CYP4B1: variants seen among roughly 807,000 people sequenced by gnomAD.
The protein encoded by CYP4B1 is cytochrome P450 4B1.
In CYP4B1, 45 loss-of-function variants were observed where a neutral mutation model predicts 54.0. The observed-to-expected ratio is 0.83, with a 90% CI of 0.66 to 1.07. The LOEUF is 1.07. Among genes scored for constraint, CYP4B1 ranks in the 50% least tolerant of loss-of-function variants. The pLI is 0.00. For synonymous variants in CYP4B1, 248 were observed against 247.5 expected (o/e 1.00, Z -0.02); for missense variants, 656 against 655.4 (o/e 1.00, Z -0.01).
In CYP4B1 at chr1:46,801,923, G is replaced by C. The variant is rs146569906; in HGVS notation, c.180+2662G>C. 2.3e-4 allele frequency among the ~76,000 whole-genome samples: 35 copies of C among 152,312 alleles called. No homozygotes were observed. In the East Asian group the frequency reaches 5.6e-3, roughly 24 times the overall value. On this transcript the variant is annotated intron_variant, in intron 1 of 11. Coordinates refer to ENST00000371923, the MANE Select transcript of CYP4B1 (RefSeq NM_001099772.2). ...GGGGAGGAAGACTGATGGGTAAAGG[G>C]ACTGGGGGCAGGGAAGAGCTGTCCG...
intron 9 of CYP4B1, 175 bp downstream of exon 9, chr1:46,817,356 C>T (rs1369599521): frequency 1.5e-6 from 1 of 669,044 alleles, no homozygotes; most frequent in African/African-American, 1.8e-5. Flanking sequence ...TACCTCTGAG[C>T]CTCCATTTCC....
At chr1:46,813,747 C>T in intron 5 of CYP4B1, 141 bp downstream of exon 5, 2 of 1,429,006 alleles carry the variant, frequency 1.4e-6, no homozygotes, top group South Asian at 2.6e-5. Flanking sequence ...ACAGGACCTG[C>T]TCATGGTGGG....
chr1:46,802,611 A>C (rs888139838), intron 1 of CYP4B1, among the ~76,000 whole-genome samples: 3 of 152,226 alleles, frequency 2.0e-5, no homozygotes, highest in African/African-American at 7.2e-5. Flanking sequence ...AAATCAACCC[A>C]GTCTTTGTGA....
At chr1:46,808,616 T>A (rs71638017) in intron 1 of CYP4B1, among the ~76,000 whole-genome samples, 1,620 of 152,206 alleles carry the variant, frequency 0.011, 11 homozygotes, top group Non-Finnish European at 0.016. Context: ...CTCCCATTAC[T>A]GGGTATATAC....
At chr1:46,812,299 C>G in intron 3 of CYP4B1, 197 bp from the exon 4 acceptor site, 1 of 703,890 alleles carries the variant, frequency 1.4e-6, no homozygotes, top group Non-Finnish European at 2.6e-6. Flanking sequence ...AAGGAGCTCA[C>G]TCAGCCAAGA....
At chr1:46,818,504 T>A in intron 11 of CYP4B1, 127 bp from the exon 12 acceptor site, 1 of 1,016,288 alleles carries the variant, frequency 9.8e-7, no homozygotes, top group Non-Finnish European at 1.5e-6. Context: ...TAAGCCCAGG[T>A]CAACCAATCT....
chr1:46,813,756 G>A, intron 5 of CYP4B1, 150 bp downstream of exon 5: 2 of 1,416,764 alleles, frequency 1.4e-6, no homozygotes, highest in Non-Finnish European at 1.9e-6. Context: ...GCTCATGGTG[G>A]GGTAAACACC....
intron 4 of CYP4B1, among the ~76,000 whole-genome samples, chr1:46,813,159 T>A (rs1004913981): frequency 2.6e-5 from 4 of 152,174 alleles, no homozygotes; most frequent in African/African-American, 9.7e-5. Flanking sequence ...ATTACTTACA[T>A]ATACACCATG....
Position 46,817,999 on chromosome 1 carries a change from T to C in CYP4B1, c.1242T>C (p.His414=), listed in dbSNP as rs1679404178. The part of the protein sequence containing the change: ...SLISMHIYAL[H]RNSAVWPDPE... The stretch of plus-strand genomic sequence containing the variant: ...TCTCTATGCATATCTATGCCCTCCA[T>C]AGGAACAGTGCTGTATGGCCCGACC... The change falls in exon 10 of 12, where the codon CAT becomes CAC. Residue 414 remains histidine (H), a synonymous_variant. Transcript: ENST00000371923. 1.9e-6 allele frequency: 3 copies of C among 1,614,140 alleles called. No individual in the cohort carries two copies. The South Asian group carries it at 3.3e-5, about 18-fold the overall frequency.
intron 4 of CYP4B1, 151 bp from the exon 5 acceptor site, chr1:46,813,331 C>A (rs760350087): frequency 2.1e-5 from 19 of 899,290 alleles, no homozygotes; most frequent in Non-Finnish European, 3.2e-5. Flanking sequence ...GATATTCCAG[C>A]AGGATGGAGG....
Position 46,811,196 on chromosome 1 carries a change from C to T in CYP4B1, c.367+12C>T, listed in dbSNP as rs376614355. 8.4e-5 allele frequency: 136 copies of T among 1,613,704 alleles called. 1 individual carries two copies. Among genetic ancestry groups the T allele is most frequent in the Admixed American group, 4.5e-4 (27 of 59,994 alleles). Reference sequence around the variant, plus strand: ...CCTCCAGTGGATTGGTGAGTGAGCACCTGCCTTCCCTGCCCTGCCAACCTC... The same window carrying T: ...CCTCCAGTGGATTGGTGAGTGAGCATCTGCCTTCCCTGCCCTGCCAACCTC... On this transcript the variant is annotated intron_variant, in intron 3 of 11. Coordinates refer to ENST00000371923, the MANE Select transcript of CYP4B1 (RefSeq NM_001099772.2).
chr1:46,810,789 C>T lies in CYP4B1; in HGVS notation c.181-19C>T, dbSNP rs201462962. On this transcript the variant is annotated intron_variant, in intron 1 of 11. Transcript: ENST00000371923. ...ACAATGTGTTCCTGAGTGACCTTGG[C>T]CTTCTGTCATCATTTCAGATCCAGG... 4 of 1,613,834 alleles carry T rather than the reference C, an allele frequency of 2.5e-6. No individual in the cohort carries two copies. The highest frequency in any genetic ancestry group is 3.4e-6 in the Non-Finnish European group (4 of 1,179,916).
In CYP4B1 at chr1:46,812,500, AGGCCTGC is replaced by A; in HGVS notation, c.373_379del (p.Gly125TrpfsTer24). The A allele has an allele frequency of 6.2e-7, 1 of 1,612,298 alleles. No individual in the cohort carries two copies. Among genetic ancestry groups the A allele is most frequent in the Non-Finnish European group, 8.5e-7 (1 of 1,179,188 alleles). On this transcript the variant is annotated frameshift_variant, in exon 4 of 12. Transcript: ENST00000371923. LOFTEE classifies it high-confidence loss of function. ...TCTCTCCCATCCCTTCCCCAGGGAG[AGGCCTGC>A]TGGTTCTTGAGGGGCCCAAGTGGTT...
intron 4 of CYP4B1, 140 bp downstream of exon 4, chr1:46,812,763 C>T (rs973697126): frequency 2.1e-6 from 2 of 958,248 alleles, no homozygotes; most frequent in African/African-American, 3.3e-5. Flanking sequence ...CTGCCTGCAA[C>T]AGCAGTGCCA....
At position 46,814,069 on chromosome 1, in the gene CYP4B1, C is replaced by A. The variant is rs759468082; in HGVS notation, c.775+6C>A. 6.2e-7 allele frequency: 1 copy of A among 1,613,780 alleles called. No individual in the cohort carries two copies. The highest frequency in any genetic ancestry group is 1.7e-5 in the Admixed American group (1 of 60,022). ...GGTGGCCCATGACCATACAGGTGGG[C>A]CTTTCCCACAAGGCTCACCTCTAGG... is the stretch of plus-strand genomic sequence containing the variant. On this transcript the variant is annotated splice_donor_region_variant and intron_variant, in intron 6 of 11. Coordinates refer to ENST00000371923, the MANE Select transcript of CYP4B1 (RefSeq NM_001099772.2).
rs1304076836 is a variant in CYP4B1, at chr1:46,800,234, TTTCTTTCCTTCC to T, written c.180+977_180+988del. Reference sequence around the variant, plus strand: ...TTCTTTCTCTTTCTCTCTTTCTTTCTTTCTTTCCTTCCTTCCTTCCTTCCTTCCTTCCTTCCT... The same window carrying T: ...TTCTTTCTCTTTCTCTCTTTCTTTCTTTCCTTCCTTCCTTCCTTCCTTCCT... On this transcript the variant is annotated intron_variant, in intron 1 of 11. Transcript: ENST00000371923. Among the ~76,000 whole-genome samples, 107 of 43,648 alleles carry T rather than the reference TTTCTTTCCTTCC, an allele frequency of 2.5e-3. 2 individuals are homozygous for T. The highest frequency in any genetic ancestry group is 0.011 in the Admixed American group (37 of 3,430). The allele number at this position is 43,648 out of a possible 152,430, so 28.6% of individuals were successfully genotyped here.
intron 1 of CYP4B1, among the ~76,000 whole-genome samples, chr1:46,799,524 A>C (rs1181931678): frequency 6.6e-6 from 1 of 152,204 alleles, no homozygotes; most frequent in Non-Finnish European, 1.5e-5. Flanking sequence ...CTGAGGCCCA[A>C]AGTTTGGACC....
chr1:46,812,811 T>G (rs1156364183), intron 4 of CYP4B1, among the ~76,000 whole-genome samples, 188 bp downstream of exon 4: 1 of 152,218 alleles, frequency 6.6e-6, no homozygotes, highest in Non-Finnish European at 1.5e-5. Flanking sequence ...AGGCTGCCAC[T>G]GAGTCGGTGC....
intron 1 of CYP4B1, among the ~76,000 whole-genome samples, chr1:46,808,412 T>G (rs1293777766): frequency 6.6e-6 from 1 of 151,996 alleles, no homozygotes; most frequent in Non-Finnish European, 1.5e-5. Context: ...TGAGCATTTT[T>G]TCATGTGTTT....
Sources: allele counts gnomAD v4.1 joint callset (sites outside exome capture counted in the v4.1 genomes callset), GRCh38; gene constraint gnomAD v4.1.1; transcripts MANE v1.5; gene names NCBI Gene and HGNC (gene_info 2026-07-23, HGNC 2026-07-21).